The following RORA variants were observed in gnomAD, a reference collection of about 807,000 sequenced individuals.
The protein encoded by RORA is RAR related orphan receptor A, also known as nuclear receptor ROR-alpha.
A neutral mutation model predicts 69.5 loss-of-function variants in RORA; 7 were observed. That is an observed-to-expected ratio of 0.10 (90% CI 0.06 to 0.19). The LOEUF is 0.19. RORA is among the 10% of genes least tolerant of loss of function. RORA has a pLI of 1.00. For synonymous variants in RORA, 261 were observed against 240.8 expected (o/e 1.08, Z -0.78); for missense variants, 457 against 663.0 (o/e 0.69, Z 3.41).
intron 5 of RORA, among the ~76,000 whole-genome samples, chr15:60,509,787 G>T (rs2065633537): frequency 5.4e-5 from 4 of 73,946 alleles, no homozygotes; most frequent in African/African-American, 7.6e-5. Context: ...TTTTGTTCTA[G>T]TTCAAGAAAA....
intron 2 of RORA, chr15:60,592,486 GCGC>G: frequency 1.5e-5 from 20 of 1,341,852 alleles, no homozygotes; most frequent in South Asian, 1.1e-4. Flanking sequence ...TGCCGCCGCC[GCGC>G]CGCCGCCGCC....
chr15:60,875,314 C>A (rs1346840054), intron 1 of RORA, among the ~76,000 whole-genome samples: 1 of 152,156 alleles, frequency 6.6e-6, no homozygotes, highest in African/African-American at 2.4e-5. Flanking sequence ...GCTTTGTCTG[C>A]AAATAAGCAG....
At chr15:60,814,843 T>C (rs191441958) in intron 1 of RORA, among the ~76,000 whole-genome samples, 174 of 152,270 alleles carry the variant, frequency 1.1e-3, no homozygotes, top group African/African-American at 4.0e-3. Context: ...AAAGGGCACA[T>C]GTATTAGGAT....
chr15:60,682,743 C>T (rs1440881042), intron 1 of RORA, among the ~76,000 whole-genome samples: 4 of 152,216 alleles, frequency 2.6e-5, no homozygotes, highest in Admixed American at 2.6e-4. Context: ...CCAAGTCCAG[C>T]TGTTGTGCAG....
At chr15:60,707,848 A>C (rs531004502) in intron 1 of RORA, among the ~76,000 whole-genome samples, 1 of 151,880 alleles carries the variant, frequency 6.6e-6, no homozygotes, top group South Asian at 2.1e-4. Flanking sequence ...ATATCACCCT[A>C]CTCTCTAAGT....
At chr15:60,724,538 G>T (rs568711995) in intron 1 of RORA, among the ~76,000 whole-genome samples, 8 of 152,250 alleles carry the variant, frequency 5.3e-5, no homozygotes, top group Middle Eastern at 6.8e-3. Context: ...ATTGCTTCCT[G>T]CTCGGACTCA....
intron 1 of RORA, among the ~76,000 whole-genome samples, chr15:61,146,392 T>G (rs1013413646): frequency 1.3e-5 from 2 of 152,106 alleles, no homozygotes; most frequent in African/African-American, 4.8e-5. Context: ...TAATTGTTGC[T>G]GCTTTAAAAC....
intron 1 of RORA, among the ~76,000 whole-genome samples, chr15:61,053,848 G>GATATATATATATATATAT (rs3053963): frequency 0.034 from 3,063 of 90,860 alleles, 409 homozygotes; most frequent in East Asian, 0.079. Context: ...TAGACTTCAT[G>GATATATATATATATATAT]ATATATATAT....
At chr15:61,176,106 T>C (rs1177413792) in intron 1 of RORA, 1 of 152,204 alleles carries the variant, frequency 6.6e-6, no homozygotes, top group Non-Finnish European at 1.5e-5. Flanking sequence ...TTATTTACTT[T>C]GAATATTTTA....
chr15:61,067,277 A>G (rs909931857), intron 1 of RORA, among the ~76,000 whole-genome samples: 1 of 151,708 alleles, frequency 6.6e-6, no homozygotes, highest in African/African-American at 2.4e-5. Flanking sequence ...ATGCCTGGCT[A>G]ATTTTTGTAT....
intron 2 of RORA, among the ~76,000 whole-genome samples, chr15:60,545,666 T>C (rs762213401): frequency 3.3e-5 from 5 of 152,230 alleles, no homozygotes; most frequent in Non-Finnish European, 5.9e-5. Flanking sequence ...GACACAAGGA[T>C]GTTTCACTGC....
intron 1 of RORA, among the ~76,000 whole-genome samples, chr15:61,160,928 G>T (rs1021519964): frequency 6.6e-6 from 1 of 152,160 alleles, no homozygotes. Context: ...TCTGGGGCAA[G>T]TACCAATCTA....
chr15:60,896,172 T>C (rs1484270301), intron 1 of RORA, among the ~76,000 whole-genome samples: 1 of 152,246 alleles, frequency 6.6e-6, no homozygotes, highest in Non-Finnish European at 1.5e-5. Context: ...AGAGACACTC[T>C]GGAGTTTGAT....
At chr15:60,636,240 AG>A (rs1443476270) in intron 2 of RORA, among the ~76,000 whole-genome samples, 2 of 152,224 alleles carry the variant, frequency 1.3e-5, no homozygotes, top group African/African-American at 2.4e-5. Flanking sequence ...CAGGCTTGGA[AG>A]ACAGGTGAAA....
At chr15:61,031,893 T>C (rs559956284) in intron 1 of RORA, among the ~76,000 whole-genome samples, 2 of 152,318 alleles carry the variant, frequency 1.3e-5, no homozygotes, top group South Asian at 4.1e-4. Context: ...GTAAAACTGT[T>C]CATAATTTTG....
At chr15:60,566,633 A>T (rs1389571487) in intron 2 of RORA, among the ~76,000 whole-genome samples, 2 of 152,250 alleles carry the variant, frequency 1.3e-5, no homozygotes, top group Non-Finnish European at 2.9e-5. Flanking sequence ...GTAGCAACTT[A>T]TAAAGATCAT....
chr15:60,640,085 C>T (rs1202212424), intron 2 of RORA, among the ~76,000 whole-genome samples: 2 of 152,178 alleles, frequency 1.3e-5, no homozygotes, highest in Non-Finnish European at 2.9e-5. Context: ...AATTACTTAA[C>T]TTCTCTGAGC....
intron 1 of RORA, among the ~76,000 whole-genome samples, chr15:60,679,693 C>T (rs977462527): frequency 2.0e-4 from 31 of 152,054 alleles, no homozygotes; most frequent in Admixed American, 3.9e-4. Context: ...CACATCAGAC[C>T]TATTACTTAG....
chr15:60,822,789 G>A (rs912750843), intron 1 of RORA, among the ~76,000 whole-genome samples: 1 of 152,154 alleles, frequency 6.6e-6, no homozygotes, highest in Non-Finnish European at 1.5e-5. Flanking sequence ...CTCTGGGAGT[G>A]GGGCCAGGCA....
Sources: allele counts gnomAD v4.1 joint callset (sites outside exome capture counted in the v4.1 genomes callset), GRCh38; gene constraint gnomAD v4.1.1; transcripts MANE v1.5; gene names NCBI Gene and HGNC (gene_info 2026-07-23, HGNC 2026-07-21).